MSH4: variants seen among roughly 807,000 people sequenced by gnomAD.
The protein encoded by MSH4 is mutS protein homolog 4.
Under a neutral mutation model 113.7 loss-of-function variants are expected in MSH4, and 106 were observed. That is an observed-to-expected ratio of 0.93 (90% CI 0.80 to 1.10). The LOEUF (loss-of-function observed/expected upper bound fraction) is 1.10, where lower values mean the gene tolerates loss of function less well. Among genes scored for constraint, MSH4 ranks in the 50% least tolerant of loss-of-function variants. The pLI is 0.00. For synonymous variants in MSH4, 368 were observed against 380.2 expected (o/e 0.97, Z 0.37); for missense variants, 1,061 against 1,093.7 (o/e 0.97, Z 0.42).
At chr1:75,844,499 G>GT (rs1318942917) in intron 7 of MSH4, among the ~76,000 whole-genome samples, 1 of 151,932 alleles carries the variant, frequency 6.6e-6, no homozygotes, top group Non-Finnish European at 1.5e-5. Flanking sequence ...GCTGATTGTT[G>GT]TATTTTTTGT....
intron 6 of MSH4, among the ~76,000 whole-genome samples, chr1:75,820,752 T>G (rs952168460): frequency 7.2e-5 from 11 of 152,220 alleles, no homozygotes; most frequent in African/African-American, 2.4e-4. Context: ...CAATTTTGTT[T>G]ATCTTTTCAA....
intron 12 of MSH4, among the ~76,000 whole-genome samples, chr1:75,879,743 C>T (rs944691824): frequency 3.3e-5 from 5 of 152,078 alleles, no homozygotes; most frequent in African/African-American, 1.2e-4. Flanking sequence ...GTCCATCATG[C>T]GTGTTACTTG....
rs80063722 is a variant in MSH4 at position 75,816,482 on chromosome 1, A to G, written c.925A>G (p.Thr309Ala). The change falls in exon 6 of 20, where the codon ACA becomes GCA. Residue 309 changes from threonine to alanine, a missense_variant. Coordinates refer to ENST00000263187, the MANE Select transcript of MSH4 (RefSeq NM_002440.4). ...GATTTGTTTCCAGGGTAGTGAACAG[A>G]CAGCCATGATAGATTCATCATCAGC... ...LKICFQGSEQ[T>A]AMIDSSSAQN... The G allele has an allele frequency of 1.7e-5, 27 of 1,609,590 alleles. No homozygotes were observed. In the African/African-American group the frequency reaches 3.3e-4, roughly 20 times the overall value.
chr1:75,885,514 C>A (rs1652058658), intron 15 of MSH4, among the ~76,000 whole-genome samples: 1 of 119,094 alleles, frequency 8.4e-6, no homozygotes, highest in Non-Finnish European at 1.7e-5. Flanking sequence ...ATACATATAA[C>A]CTTCACATTT....
At position 75,861,720 on chromosome 1, in the gene MSH4, G is replaced by T. The variant is rs145587290; in HGVS notation, c.1231-5794G>T. 6.0e-4 allele frequency among the ~76,000 whole-genome samples: 92 copies of T among 152,334 alleles called. 2 individuals carry two copies. The East Asian group carries it at 0.017, about 28-fold the overall frequency. Reference sequence around the variant, plus strand: ...GTGTCTCCAAGTCAGGCTACACAGGGATCAGGGACCCACTTGAGGAGGCAG... The same window carrying T: ...GTGTCTCCAAGTCAGGCTACACAGGTATCAGGGACCCACTTGAGGAGGCAG... On this transcript the variant is annotated intron_variant, in intron 8 of 19. Transcript: ENST00000263187.
rs978390465 is a variant in MSH4 at position 75,878,404 on chromosome 1, C to A, written c.1540+86C>A. ...GTCCTTTTTTGCTGCTGATGACTAG[C>A]CATACATATTTTAAATTTATTTTTC... is the stretch of plus-strand genomic sequence containing the variant. On this transcript the variant is annotated intron_variant, in intron 11 of 19. Transcript: ENST00000263187. 6 of 1,017,150 alleles carry A rather than the reference C, an allele frequency of 5.9e-6. No individual in the cohort carries two copies. The African/African-American group carries it at 1.0e-4, about 17-fold the overall frequency. The allele number at this position is 1,017,150 out of a possible 1,614,324, so 63.0% of individuals were successfully genotyped here. A position where few individuals can be genotyped will look rare whatever the true frequency, so the allele number is the denominator to read the frequency against.
At position 75,899,599 on chromosome 1, in the gene MSH4, T is replaced by C; in HGVS notation, c.2531-19T>C. The C allele has an allele frequency of 1.4e-6, 2 of 1,438,984 alleles. No individual in the cohort carries two copies. Among genetic ancestry groups the C allele is most frequent in the Non-Finnish European group, 1.8e-6 (2 of 1,082,938 alleles). 89.1% of individuals were successfully genotyped at this position (1,438,984 alleles called of 1,614,324 possible). ...AGCAGTAACAATATTGAAGCCAAAT[T>C]TAAAACAAATAATTCTAGGATTAAA... On this transcript the variant is annotated intron_variant, in intron 18 of 19. Coordinates refer to ENST00000263187, the MANE Select transcript of MSH4 (RefSeq NM_002440.4).
chr1:75,860,402 G>A (rs1651429156), intron 8 of MSH4, among the ~76,000 whole-genome samples: 1 of 152,100 alleles, frequency 6.6e-6, no homozygotes, highest in South Asian at 2.1e-4. Context: ...GGTTGGTACT[G>A]GTTATTCCTA....
intron 2 of MSH4, 28 bp from the exon 3 acceptor site, chr1:75,806,953 T>C (rs773443233): frequency 1.3e-6 from 2 of 1,526,994 alleles, no homozygotes; most frequent in South Asian, 1.3e-5. Context: ...TCAATGTTTA[T>C]ATCTTTTCTT....
At chr1:75,826,463 A>C (rs1020575980) in intron 7 of MSH4, among the ~76,000 whole-genome samples, 1 of 151,972 alleles carries the variant, frequency 6.6e-6, no homozygotes, top group Non-Finnish European at 1.5e-5. Context: ...TGTCTCCTTC[A>C]GTTCTGCTCT....
intron 17 of MSH4, among the ~76,000 whole-genome samples, chr1:75,892,377 ACTCTCT>A (rs113018030): frequency 6.7e-6 from 1 of 148,344 alleles, no homozygotes; most frequent in African/African-American, 2.5e-5. Flanking sequence ...ACACATACAC[ACTCTCT>A]CTCTCTCTCT....
intron 9 of MSH4, among the ~76,000 whole-genome samples, chr1:75,872,021 A>C (rs1189470843): frequency 6.6e-6 from 1 of 152,216 alleles, no homozygotes; most frequent in Admixed American, 6.5e-5. Context: ...TACCAATGTG[A>C]TGTCACAAGT....
At chr1:75,889,605 T>C (rs1391084974) in intron 16 of MSH4, among the ~76,000 whole-genome samples, 1 of 152,156 alleles carries the variant, frequency 6.6e-6, no homozygotes, top group Non-Finnish European at 1.5e-5. Context: ...GTAATAAAAG[T>C]GTGCCTAAAT....
chr1:75,883,946 A>G, intron 15 of MSH4, 125 bp downstream of exon 15: 2 of 692,938 alleles, frequency 2.9e-6, no homozygotes, highest in Non-Finnish European at 4.9e-6. Flanking sequence ...CTGTTACCTA[A>G]AAGTATAACA....
intron 7 of MSH4, among the ~76,000 whole-genome samples, chr1:75,835,101 C>T (rs1261456405): frequency 6.6e-6 from 1 of 152,164 alleles, no homozygotes; most frequent in African/African-American, 2.4e-5. Context: ...GTCTTCCATA[C>T]CTCCACTTGC....
intron 7 of MSH4, among the ~76,000 whole-genome samples, chr1:75,827,998 C>T (rs1650594222): frequency 6.6e-6 from 1 of 152,154 alleles, no homozygotes; most frequent in South Asian, 2.1e-4. Context: ...GGGCAAAGTA[C>T]ATCAACAGAT....
intron 7 of MSH4, among the ~76,000 whole-genome samples, chr1:75,840,988 G>A (rs942839083): frequency 1.1e-4 from 16 of 152,150 alleles, no homozygotes; most frequent in Admixed American, 7.9e-4. Flanking sequence ...AGAAGGAGTA[G>A]GATTTTAGCA....
chr1:75,873,229 G>A (rs1651751440), intron 9 of MSH4, among the ~76,000 whole-genome samples: 2 of 152,080 alleles, frequency 1.3e-5, no homozygotes, highest in Non-Finnish European at 2.9e-5. Flanking sequence ...GATGATGATT[G>A]AAATATTTTG....
chr1:75,799,875 G>A (rs190205871), intron 1 of MSH4, among the ~76,000 whole-genome samples: 32 of 152,218 alleles, frequency 2.1e-4, no homozygotes, highest in Non-Finnish European at 8.8e-5. Flanking sequence ...CTCTGTTATG[G>A]ACATGCTGAG....
Sources: gnomAD v4.1 joint callset for allele counts (sites outside exome capture counted in the v4.1 genomes callset) on GRCh38, gnomAD v4.1.1 for gene constraint, MANE v1.5 for transcripts, NCBI Gene and HGNC (gene_info 2026-07-23, HGNC 2026-07-21) for gene names.